PCDH15: variants seen among roughly 807,000 people sequenced by gnomAD.
The protein encoded by PCDH15 is protocadherin-15.
In PCDH15, 129 loss-of-function variants were observed where a neutral mutation model predicts 178.5. That is an observed-to-expected ratio of 0.72 (90% CI 0.63 to 0.84). The LOEUF is 0.84. PCDH15 is among the 40% of genes least tolerant of loss of function. The pLI is 0.00. For synonymous variants in PCDH15, 800 were observed against 732.0 expected (o/e 1.09, Z -1.50); for missense variants, 2,230 against 2,099.9 (o/e 1.06, Z -1.21).
intron 2 of PCDH15, among the ~76,000 whole-genome samples, chr10:55,380,490 T>C (rs529653533): frequency 1.1e-4 from 16 of 152,288 alleles, no homozygotes; most frequent in East Asian, 9.7e-4. Flanking sequence ...CTTTAGAAGA[T>C]AGTGCAAAAA....
chr10:54,757,770 G>A (rs1947354893), intron 1 of PCDH15, among the ~76,000 whole-genome samples: 1 of 152,120 alleles, frequency 6.6e-6, no homozygotes, highest in Admixed American at 6.5e-5. Flanking sequence ...CCTTTCCTTA[G>A]TAATTGCAAT....
intron 16 of PCDH15, among the ~76,000 whole-genome samples, chr10:54,080,458 A>C (rs997780252): frequency 2.0e-4 from 30 of 152,152 alleles, no homozygotes; most frequent in Non-Finnish European, 3.5e-4. Flanking sequence ...CACTGTGTAG[A>C]AGAGTTTATC....
intron 14 of PCDH15, among the ~76,000 whole-genome samples, chr10:54,149,736 C>T (rs191407536): frequency 2.3e-3 from 349 of 152,254 alleles, no homozygotes; most frequent in African/African-American, 8.2e-3. Flanking sequence ...TTACCAGGAT[C>T]ACCCAGGCTA....
At chr10:54,227,477 C>A (rs1258520013) in intron 9 of PCDH15, among the ~76,000 whole-genome samples, 1 of 152,174 alleles carries the variant, frequency 6.6e-6, no homozygotes, top group Non-Finnish European at 1.5e-5. Context: ...CTGGGCCCAG[C>A]CCACAGAACC....
chr10:55,253,751 G>A lies in PCDH15; in HGVS notation c.-156+65848C>T, dbSNP rs973441190. ...TGCTGATTGATCAATACAGTTTGTG[G>A]CTACATTTGTAAAATGGGTAAAAAT... On this transcript the variant is annotated intron_variant, in intron 1 of 5. Transcript: ENST00000458638. 1.4e-4 allele frequency among the ~76,000 whole-genome samples: 22 copies of A among 152,232 alleles called. No individual in the cohort carries two copies. In the East Asian group the frequency reaches 4.1e-3, roughly 28 times the overall value.
intron 1 of PCDH15, among the ~76,000 whole-genome samples, chr10:54,769,527 T>C (rs1204069852): frequency 1.3e-5 from 2 of 151,382 alleles, no homozygotes; most frequent in Non-Finnish European, 2.9e-5. Context: ...GTCACCAAGA[T>C]AGACCATATT....
intron 2 of PCDH15, among the ~76,000 whole-genome samples, chr10:55,462,895 C>A (rs1392157640): frequency 1.3e-5 from 2 of 152,016 alleles, no homozygotes; most frequent in African/African-American, 2.4e-5. Context: ...CCAGTAGAAG[C>A]TTGTTTTTAA....
At chr10:54,823,398 A>G (rs988897913) in intron 3 of PCDH15, among the ~76,000 whole-genome samples, 10 of 152,156 alleles carry the variant, frequency 6.6e-5, no homozygotes, top group African/African-American at 2.2e-4. Context: ...ACAGCAAGAA[A>G]GACTTACAGT....
intron 1 of PCDH15, among the ~76,000 whole-genome samples, chr10:55,171,751 C>T (rs1177657223): frequency 6.6e-6 from 1 of 151,926 alleles, no homozygotes; most frequent in East Asian, 1.9e-4. Flanking sequence ...TTGATACTGA[C>T]TTCAAGAATT....
chr10:55,320,892 T>A (rs745682447), upstream of PCDH15, among the ~76,000 whole-genome samples: 5 of 152,206 alleles, frequency 3.3e-5, no homozygotes, highest in African/African-American at 4.8e-5. Context: ...TACTTCCAAA[T>A]GACCACACTA....
At chr10:54,281,587 T>A (rs2058709326) in intron 8 of PCDH15, among the ~76,000 whole-genome samples, 1 of 152,010 alleles carries the variant, frequency 6.6e-6, no homozygotes, top group Admixed American at 6.6e-5. Flanking sequence ...CATTACTAAA[T>A]GTGTTTAGGG....
chr10:55,156,639 C>A (rs1194534709), intron 2 of PCDH15, among the ~76,000 whole-genome samples: 1 of 152,194 alleles, frequency 6.6e-6, no homozygotes. Context: ...ATAGGTTTTA[C>A]TTATTCCCAC....
At chr10:55,124,424 C>T (rs1015428161) in intron 2 of PCDH15, among the ~76,000 whole-genome samples, 6 of 152,262 alleles carry the variant, frequency 3.9e-5, no homozygotes, top group African/African-American at 1.2e-4. Context: ...CACACACACA[C>T]TTCTTGTATT....
intron 3 of PCDH15, among the ~76,000 whole-genome samples, chr10:54,407,426 T>C (rs1035455961): frequency 1.3e-5 from 2 of 152,056 alleles, no homozygotes; most frequent in Non-Finnish European, 2.9e-5. Context: ...GGTGGAGGAA[T>C]AGTTGAAAAA....
intron 3 of PCDH15, among the ~76,000 whole-genome samples, chr10:54,479,005 GAA>G (rs557476375): frequency 6.2e-5 from 6 of 96,046 alleles, no homozygotes; most frequent in Non-Finnish European, 6.8e-5. Context: ...CTAGGGAAAA[GAA>G]AAAAAAAAAA....
intron 3 of PCDH15, among the ~76,000 whole-genome samples, chr10:54,464,263 G>A (rs1444651705): frequency 6.6e-6 from 1 of 152,118 alleles, no homozygotes; most frequent in Non-Finnish European, 1.5e-5. Context: ...CACAGTTGGG[G>A]AGAGGTTATA....
At position 54,023,070 on chromosome 10, in the gene PCDH15, TC is replaced by T. The variant is rs2135322143; in HGVS notation, c.2347del (p.Asp783ThrfsTer21). On this transcript the variant is annotated frameshift_variant, in exon 19 of 38. Coordinates refer to ENST00000644397, the MANE Select transcript of PCDH15 (RefSeq NM_001384140.1). LOFTEE classifies it high-confidence loss of function. ...TGCCACAACAACAAGTTCATAGTAG[TC>T]CCTGACTTCTCTGTTAAGCTTCACT... ...TAVKLNREVR[D>X]YYELVVVATD... 1.2e-6 allele frequency: 2 copies of T among 1,613,972 alleles called. No homozygotes were observed. The highest frequency in any genetic ancestry group is 1.7e-6 in the Non-Finnish European group (2 of 1,179,900).
At chr10:54,628,426 C>T (rs886249827) in intron 2 of PCDH15, among the ~76,000 whole-genome samples, 3 of 152,150 alleles carry the variant, frequency 2.0e-5, no homozygotes, top group Non-Finnish European at 4.4e-5. Context: ...TCTCTAAAAT[C>T]ACAGAAACCC....
At chr10:54,592,267 TTC>T (rs2091934464) in intron 2 of PCDH15, among the ~76,000 whole-genome samples, 1 of 152,038 alleles carries the variant, frequency 6.6e-6, no homozygotes, top group Non-Finnish European at 1.5e-5. Context: ...AGCACTTATT[TTC>T]TTTCTTTTCC....
Sources: gnomAD v4.1 joint callset for allele counts (sites outside exome capture counted in the v4.1 genomes callset) on GRCh38, gnomAD v4.1.1 for gene constraint, MANE v1.5 for transcripts, NCBI Gene and HGNC (gene_info 2026-07-23, HGNC 2026-07-21) for gene names.